The following MAP3K5 variants were observed in gnomAD, a reference collection of about 807,000 sequenced individuals.
MAP3K5 encodes mitogen-activated protein kinase kinase kinase 5, also known as ASK-1.
Under a neutral mutation model 158.7 loss-of-function variants are expected in MAP3K5, and 56 were observed. The ratio of observed to expected loss-of-function variants is 0.35; its 90% CI spans 0.28 to 0.44. The LOEUF is 0.44. Ranked by LOEUF, MAP3K5 falls within the 20% of genes least tolerant of loss-of-function variation. The pLI is 1.00. For synonymous variants in MAP3K5, 579 were observed against 601.7 expected (o/e 0.96, Z 0.55); for missense variants, 1,294 against 1,674.8 (o/e 0.77, Z 3.97).
rs766511825 is a variant in MAP3K5, at chr6:136,694,299, G to T, written c.1094C>A (p.Pro365His). The T allele has an allele frequency of 7.5e-6, 12 of 1,610,246 alleles. No individual in the cohort carries two copies. In the South Asian group the frequency reaches 1.3e-4, roughly 18 times the overall value. The change falls in exon 7 of 30, where the codon CCT becomes CAT. Residue 365 changes from proline to histidine, a missense_variant. Around this residue, in one of 5 missense-constraint regions of MAP3K5, gnomAD observed 690 missense variants for 870.5 expected, o/e 0.79. Transcript: ENST00000359015. ...YAFALNRRNLPGDRAKALDIM... is the reference protein window; with the variant it reads ...YAFALNRRNLHGDRAKALDIM... Reference sequence around the variant, plus strand: ...ATCAAGAGCTTTTGCTCTGTCACCAGGGAGATTTCTCCTAAGGCAGAAAAC... The same window carrying T: ...ATCAAGAGCTTTTGCTCTGTCACCATGGAGATTTCTCCTAAGGCAGAAAAC...
intron 1 of MAP3K5, among the ~76,000 whole-genome samples, chr6:136,731,023 T>A (rs1447776181): frequency 1.3e-5 from 2 of 152,192 alleles, no homozygotes; most frequent in Non-Finnish European, 2.9e-5. Context: ...CATGGATGAA[T>A]CTCACAAATG....
At chr6:136,596,632 C>T (rs1775645225) in intron 21 of MAP3K5, among the ~76,000 whole-genome samples, 1 of 152,178 alleles carries the variant, frequency 6.6e-6, no homozygotes, top group Non-Finnish European at 1.5e-5. Flanking sequence ...GGGGGCTCCA[C>T]AGGAGCCAGA....
chr6:136,585,469 T>TTTCTTTCTTTCTTTCTTTCTTTCTTTC (rs150800306), intron 23 of MAP3K5, among the ~76,000 whole-genome samples: 2 of 131,524 alleles, frequency 1.5e-5, no homozygotes, highest in Non-Finnish European at 3.3e-5. Flanking sequence ...CTTTCTTTTC[T>TTTCTTTCTTTCTTTCTTTCTTTCTTTC]TTTCTTTATT....
chr6:136,779,855 T>C (rs1784545669), intron 1 of MAP3K5, among the ~76,000 whole-genome samples: 1 of 152,216 alleles, frequency 6.6e-6, no homozygotes, highest in African/African-American at 2.4e-5. Context: ...AATTTGTACA[T>C]GTTCCCTGAC....
chr6:136,770,851 A>G (rs533534305), intron 1 of MAP3K5, among the ~76,000 whole-genome samples: 1 of 152,334 alleles, frequency 6.6e-6, no homozygotes, highest in Non-Finnish European at 1.5e-5. Flanking sequence ...ACTAATTAAA[A>G]AATCTGTCAG....
Position 136,639,650 on chromosome 6 carries a change from AAAC to A in MAP3K5, c.1839-15_1839-13del, listed in dbSNP as rs1366252614. On this transcript the variant is annotated splice_polypyrimidine_tract_variant and intron_variant, in intron 12 of 29. Coordinates refer to ENST00000359015, the MANE Select transcript of MAP3K5 (RefSeq NM_005923.4). ...CAAATTTAGAAATACTGAAACCAACAAACAAAAAGGCATTATTCAGAGAACTAT... is the reference window on the plus strand; with the variant it reads ...CAAATTTAGAAATACTGAAACCAACAAAAAAGGCATTATTCAGAGAACTAT... 1 of 1,366,304 alleles carries A rather than the reference AAAC, an allele frequency of 7.3e-7. No individual in the cohort carries two copies. Among genetic ancestry groups the A allele is most frequent in the South Asian group, 1.2e-5 (1 of 80,694 alleles). 84.6% of individuals were successfully genotyped at this position (1,366,304 alleles called of 1,614,324 possible).
intron 1 of MAP3K5, 122 bp downstream of exon 1, chr6:136,791,588 G>A: frequency 1.9e-6 from 2 of 1,036,292 alleles, no homozygotes; most frequent in Non-Finnish European, 2.9e-6. Context: ...AGCGGCGCTC[G>A]CTGCCCCCAA....
intron 8 of MAP3K5, among the ~76,000 whole-genome samples, chr6:136,663,890 C>A (rs1779116455): frequency 6.6e-6 from 1 of 152,114 alleles, no homozygotes. Flanking sequence ...GGATTACAGG[C>A]ATGAGCCACC....
chr6:136,629,556 G>A (rs1054128536), intron 14 of MAP3K5, among the ~76,000 whole-genome samples: 19 of 150,356 alleles, frequency 1.3e-4, no homozygotes, highest in Admixed American at 1.2e-3. Context: ...CCAGGTTCAC[G>A]CCATTCTCCT....
chr6:136,605,082 C>T (rs900131318), intron 19 of MAP3K5, 127 bp downstream of exon 19: 11 of 886,268 alleles, frequency 1.2e-5, no homozygotes, highest in East Asian at 7.6e-5. Flanking sequence ...TCTTCTTGAC[C>T]TTTAATGTGT....
chr6:136,704,219 T>C (rs754153226), intron 3 of MAP3K5, among the ~76,000 whole-genome samples: 4 of 152,212 alleles, frequency 2.6e-5, no homozygotes, highest in Non-Finnish European at 5.9e-5. Flanking sequence ...TCAGTGTATA[T>C]GTAATTATAC....
intron 25 of MAP3K5, among the ~76,000 whole-genome samples, chr6:136,571,941 C>T (rs986431261): frequency 5.9e-5 from 9 of 152,208 alleles, no homozygotes; most frequent in African/African-American, 2.2e-4. Flanking sequence ...CCAAACTTCA[C>T]CTCTACTCTA....
At position 136,698,546 on chromosome 6, in the gene MAP3K5, C is replaced by A; in HGVS notation, c.749G>T (p.Cys250Phe). 3 of 1,614,054 alleles carry A rather than the reference C, an allele frequency of 1.9e-6. No individual in the cohort carries two copies. The highest frequency in any genetic ancestry group is 2.5e-6 in the Non-Finnish European group (3 of 1,179,982). ...AATAAAACGATCCACAAGAGGTAAG[C>A]AGATGGGTCCAAGAAGCAGCTCGAA... ...PNFELLLGPI[C>F]LPLVDRFIQL... The change falls in exon 4 of 30, where the codon TGC becomes TTC. Residue 250 changes from cysteine to phenylalanine, a missense_variant. Physicochemically the swap from Cys to Phe is radical, Grantham distance 205. Around this residue, in one of 5 missense-constraint regions of MAP3K5, gnomAD observed 690 missense variants for 870.5 expected, o/e 0.79. Coordinates refer to ENST00000359015, the MANE Select transcript of MAP3K5 (RefSeq NM_005923.4).
intron 1 of MAP3K5, among the ~76,000 whole-genome samples, chr6:136,721,501 C>G (rs1210371782): frequency 6.6e-6 from 1 of 151,898 alleles, no homozygotes; most frequent in African/African-American, 2.4e-5. Flanking sequence ...CAAAATTTGA[C>G]AATGTCACAA....
At chr6:136,642,385 G>T in intron 12 of MAP3K5, 135 bp downstream of exon 12, 1 of 714,722 alleles carries the variant, frequency 1.4e-6, no homozygotes, top group Non-Finnish European at 2.5e-6. Flanking sequence ...CACTGAAGAA[G>T]GCTGGGCATT....
At chr6:136,567,482 T>A in intron 26 of MAP3K5, 149 bp downstream of exon 26, 1 of 833,006 alleles carries the variant, frequency 1.2e-6, no homozygotes, top group Non-Finnish European at 1.8e-6. Context: ...CAAAAGAGGC[T>A]AAACTAAACT....
intron 7 of MAP3K5, among the ~76,000 whole-genome samples, chr6:136,678,624 A>G (rs1779803375): frequency 6.6e-6 from 1 of 152,226 alleles, no homozygotes; most frequent in Non-Finnish European, 1.5e-5. Flanking sequence ...ACATATTAAG[A>G]GAAATTTAGT....
chr6:136,775,427 G>A (rs539461330), intron 1 of MAP3K5, among the ~76,000 whole-genome samples: 8 of 152,184 alleles, frequency 5.3e-5, no homozygotes, highest in Non-Finnish European at 7.4e-5. Flanking sequence ...CTTTCGGCAC[G>A]TAGACCAGGT....
intron 1 of MAP3K5, among the ~76,000 whole-genome samples, chr6:136,779,442 CAAAAAAAAA>C (rs35110376): frequency 9.9e-6 from 1 of 101,048 alleles, no homozygotes; most frequent in African/African-American, 3.9e-5. Flanking sequence ...CACCCTGTCT[CAAAAAAAAA>C]AAAAAAAAAA....
Sources: allele counts gnomAD v4.1 joint callset (sites outside exome capture counted in the v4.1 genomes callset), GRCh38; gene constraint gnomAD v4.1.1; regional missense constraint gnomAD v4.1.1; transcripts MANE v1.5; gene names NCBI Gene and HGNC (gene_info 2026-07-23, HGNC 2026-07-21).